Variants in ACYP2 observed in about 807,000 individuals in gnomAD.
ACYP2 encodes acylphosphatase 2, also known as acylphosphatase-2.
ACYP2 carries 12 observed loss-of-function variants against 11.2 expected under a neutral mutation model. That is an observed-to-expected ratio of 1.08 (90% CI 0.69 to 1.74). The LOEUF (loss-of-function observed/expected upper bound fraction) is 1.74. Among genes scored for constraint, ACYP2 ranks in the 40% most tolerant of loss-of-function variants. ACYP2 has a pLI of 0.00. For missense variants in ACYP2, 134 were observed against 101.9 expected, an observed-to-expected ratio of 1.31 and a Z score of -1.35; for synonymous variants, 43 against 32.2, an observed-to-expected ratio of 1.33 and a Z score of -1.13.
chr2:54,065,015 C>T (rs192257452), intron 4 of ACYP2, among the ~76,000 whole-genome samples: 3 of 151,942 alleles, frequency 2.0e-5, no homozygotes, highest in African/African-American at 4.8e-5. Context: ...ACCCAGGAGG[C>T]GAAGTTTGCA....
At chr2:54,195,238 G>C (rs778122626) in intron 6 of ACYP2, among the ~76,000 whole-genome samples, 2 of 152,192 alleles carry the variant, frequency 1.3e-5, no homozygotes, top group African/African-American at 2.4e-5. Context: ...GGCATTGCCA[G>C]TCACAAACCA....
At chr2:54,235,345 TTGTTC>T (rs1190025407) in intron 6 of ACYP2, among the ~76,000 whole-genome samples, 4 of 152,168 alleles carry the variant, frequency 2.6e-5, no homozygotes, top group South Asian at 2.1e-4. Flanking sequence ...CAAGTTTTTT[TTGTTC>T]TGTTTTGTTT....
intron 4 of ACYP2, among the ~76,000 whole-genome samples, chr2:54,103,208 A>T (rs1046883396): frequency 1.3e-5 from 2 of 152,264 alleles, no homozygotes; most frequent in Non-Finnish European, 2.9e-5. Flanking sequence ...GGAGTGTGTG[A>T]GAAAGAAGTT....
intron 2 of ACYP2, among the ~76,000 whole-genome samples, chr2:53,986,140 A>G (rs139549145): frequency 6.6e-6 from 1 of 151,858 alleles, no homozygotes; most frequent in African/African-American, 2.4e-5. Flanking sequence ...AATAATAATA[A>G]TAATAAAAAT....
rs115955376 is a variant in ACYP2 at position 54,056,074 on chromosome 2, T to G, written c.156-1165T>G. Among the ~76,000 whole-genome samples, 465 of 152,276 alleles carry G rather than the reference T, an allele frequency of 3.1e-3. 1 individual carries two copies. Among genetic ancestry groups the G allele is most frequent in the African/African-American group, 0.011 (437 of 41,554 alleles). On this transcript the variant is annotated intron_variant, in intron 3 of 6. Coordinates refer to ENST00000607452, the MANE Select transcript of ACYP2 (RefSeq NM_001320586.2). Reference sequence around the variant, plus strand: ...TTTCAAAATGCTGCTTTTTCTGGATTAATGTAGTTAATTTCAAAAAAGATG... The same window carrying G: ...TTTCAAAATGCTGCTTTTTCTGGATGAATGTAGTTAATTTCAAAAAAGATG...
chr2:54,168,775 G>A lies in ACYP2; in HGVS notation c.404+30027G>A, dbSNP rs538888618. The stretch of plus-strand genomic sequence containing the variant: ...AAATGTAAAATGGATGATAAAACAG[G>A]AAGACTGTAGAGGGTGTATTATAGA... On this transcript the variant is annotated intron_variant, in intron 6 of 6. Coordinates refer to ENST00000607452, the MANE Select transcript of ACYP2 (RefSeq NM_001320586.2). 1.1e-4 allele frequency among the ~76,000 whole-genome samples: 16 copies of A among 152,288 alleles called. No homozygotes were observed. In the East Asian group the frequency reaches 3.1e-3, roughly 29 times the overall value.
At chr2:54,033,224 G>A (rs1674685671) in intron 2 of ACYP2, among the ~76,000 whole-genome samples, 1 of 150,072 alleles carries the variant, frequency 6.7e-6, no homozygotes, top group Non-Finnish European at 1.5e-5. Flanking sequence ...TTGAGACAGG[G>A]TCTTGCGTTG....
chr2:54,165,543 A>T lies in ACYP2; in HGVS notation c.404+26795A>T, dbSNP rs891134305. Among the ~76,000 whole-genome samples, 7 of 142,420 alleles carry T rather than the reference A, an allele frequency of 4.9e-5. No individual in the cohort carries two copies. In the Admixed American group the frequency reaches 4.9e-4, roughly 10 times the overall value. The allele number at this position is 142,420 out of a possible 152,430, so 93.4% of individuals were successfully genotyped here. A position where few individuals can be genotyped will look rare whatever the true frequency, so the allele number is the denominator to read the frequency against. On this transcript the variant is annotated intron_variant, in intron 6 of 6. Transcript: ENST00000607452. ...CTCTCTCTCTCTCTCTCTCACACAC[A>T]CACACACACACACACACACACACAC...
In ACYP2 at chr2:54,144,548, C is replaced by T. The variant is rs186803421; in HGVS notation, c.404+5800C>T. On this transcript the variant is annotated intron_variant, in intron 6 of 6. Transcript: ENST00000607452. ...AATTAGCCAGGCGTGGTGGTACACA[C>T]CTGTAATCCCAGCTACTTGGGAGGC... Among the ~76,000 whole-genome samples, 395 of 152,036 alleles carry T rather than the reference C, an allele frequency of 2.6e-3. 1 individual carries two copies. Among genetic ancestry groups the T allele is most frequent in the African/African-American group, 8.0e-3 (331 of 41,478 alleles).
chr2:54,284,470 A>C (rs1333657317), intron 6 of ACYP2, among the ~76,000 whole-genome samples: 2 of 151,748 alleles, frequency 1.3e-5, no homozygotes, highest in Non-Finnish European at 1.5e-5. Context: ...CTTATCCCTT[A>C]TTTCATTCTC....
Position 54,267,436 on chromosome 2 carries a change from G to A in ACYP2, c.405-37252G>A, listed in dbSNP as rs1475985971. ...AGTAAGGGGTGGGAACAGAAGGAGG[G>A]AGAAGGAATTGGGAGCTGGGGGAAG... On this transcript the variant is annotated intron_variant, in intron 6 of 6. Transcript: ENST00000607452. 7 of 1,377,654 alleles carry A rather than the reference G, an allele frequency of 5.1e-6. No homozygotes were observed. In the East Asian group the frequency reaches 1.0e-4, roughly 20 times the overall value. The allele number at this position is 1,377,654 out of a possible 1,614,324, so 85.3% of individuals were successfully genotyped here. A position where few individuals can be genotyped will look rare whatever the true frequency, so the allele number is the denominator to read the frequency against.
In ACYP2 at chr2:54,197,922, ATTTTATTTATGTATGTATTATAT is replaced by A. The variant is rs1558605169; in HGVS notation, c.404+59176_404+59198del. 2.8e-3 allele frequency among the ~76,000 whole-genome samples: 384 copies of A among 135,972 alleles called. 8 individuals are homozygous for A. Among genetic ancestry groups the A allele is most frequent in the South Asian group, 9.7e-3 (35 of 3,614 alleles). The allele number at this position is 135,972 out of a possible 152,430, so 89.2% of individuals were successfully genotyped here. ...TTATTTTATTTTATTTTATTATTTT[ATTTTATTTATGTATGTATTATAT>A]TGTATTGTATTGTATTGTATTGTAT... On this transcript the variant is annotated intron_variant, in intron 6 of 6. Transcript: ENST00000607452.
At chr2:54,297,037 C>T (rs1330466153) in intron 6 of ACYP2, among the ~76,000 whole-genome samples, 1 of 152,020 alleles carries the variant, frequency 6.6e-6, no homozygotes, top group Non-Finnish European at 1.5e-5. Flanking sequence ...GTAAGCTAAA[C>T]TAATAGGTAA....
At chr2:54,062,128 G>A (rs1474719185) in intron 4 of ACYP2, among the ~76,000 whole-genome samples, 1 of 152,142 alleles carries the variant, frequency 6.6e-6, no homozygotes, top group Non-Finnish European at 1.5e-5. Context: ...TAGAGCTCTA[G>A]CCAGAAAAAA....
rs1443306094 is a variant in ACYP2, at chr2:54,177,910, T to C, written c.404+39162T>C. 1.7e-3 allele frequency among the ~76,000 whole-genome samples: 239 copies of C among 143,558 alleles called. 2 individuals are homozygous for C. Among genetic ancestry groups the C allele is most frequent in the African/African-American group, 6.4e-3 (230 of 36,096 alleles). The allele number at this position is 143,558 out of a possible 152,430, so 94.2% of individuals were successfully genotyped here. ...TTTCTTTTCTTTCTTTCTTTATTTT[T>C]TTTTTTTTTTTTGAGATGGAGTCTC... On this transcript the variant is annotated intron_variant, in intron 6 of 6. Coordinates refer to ENST00000607452, the MANE Select transcript of ACYP2 (RefSeq NM_001320586.2).
At chr2:54,247,317 C>T (rs1687001262) in intron 6 of ACYP2, among the ~76,000 whole-genome samples, 1 of 152,184 alleles carries the variant, frequency 6.6e-6, no homozygotes, top group African/African-American at 2.4e-5. Context: ...TAGACAGTGA[C>T]ATAATCCCTT....
intron 2 of ACYP2, among the ~76,000 whole-genome samples, chr2:54,004,367 ATCT>A (rs1672947697): frequency 7.6e-6 from 1 of 132,002 alleles, no homozygotes; most frequent in South Asian, 2.6e-4. Context: ...CCATCTGTGT[ATCT>A]TCTTTGGTGA....
chr2:54,036,432 TC>T (rs1215489289), intron 2 of ACYP2, among the ~76,000 whole-genome samples: 1 of 152,228 alleles, frequency 6.6e-6, no homozygotes. Context: ...ACTCACAGTT[TC>T]TGTGGGCATC....
chr2:54,250,334 G>A (rs937933843), intron 6 of ACYP2, among the ~76,000 whole-genome samples: 3 of 152,142 alleles, frequency 2.0e-5, no homozygotes, highest in East Asian at 1.9e-4. Flanking sequence ...TTAGCTCGGC[G>A]TGGTGGCGCA....
Sources: allele counts gnomAD v4.1 joint callset (sites outside exome capture counted in the v4.1 genomes callset), GRCh38; gene constraint gnomAD v4.1.1; transcripts MANE v1.5; gene names NCBI Gene and HGNC (gene_info 2026-07-23, HGNC 2026-07-21).